MED25: variants seen among roughly 807,000 people sequenced by gnomAD.
The protein encoded by MED25 is mediator of RNA polymerase II transcription subunit 25.
MED25 carries 62 observed loss-of-function variants against 89.4 expected under a neutral mutation model. That is an observed-to-expected ratio of 0.69 (90% confidence interval 0.57 to 0.86). The LOEUF is 0.86. MED25 is among the 40% of genes least tolerant of loss of function. The pLI, the probability that MED25 is intolerant of heterozygous loss-of-function variation, is 0.00. For synonymous variants in MED25, 449 were observed against 427.9 expected (o/e 1.05, Z -0.61); for missense variants, 905 against 1,005.2 (o/e 0.90, Z 1.35).
rs1166792631 is a variant in MED25, at chr19:49,831,322, C to T, written c.1102-11C>T. ...CCCATTCTCATGGCCCTCCTTCCTC[C>T]CCTCTGGCAGGCAGGCACTGTGGCC... On this transcript the variant is annotated splice_polypyrimidine_tract_variant and intron_variant, in intron 9 of 17. Coordinates refer to ENST00000312865, the MANE Select transcript of MED25 (RefSeq NM_030973.4). The surrounding 1 kb of genome is among the most constrained non-coding windows in gnomAD (Gnocchi z 5.0). 1 of 1,609,450 alleles carries T rather than the reference C, an allele frequency of 6.2e-7. No individual in the cohort carries two copies. Among genetic ancestry groups the T allele is most frequent in the East Asian group, 2.2e-5 (1 of 44,812 alleles).
In MED25 at chr19:49,831,011, C is replaced by A; in HGVS notation, c.1101+124C>A. The A allele has an allele frequency of 9.0e-7, 1 of 1,113,824 alleles. No homozygotes were observed. The highest frequency in any genetic ancestry group is 1.3e-6 in the Non-Finnish European group (1 of 743,726). 69.0% of individuals were successfully genotyped at this position (1,113,824 alleles called of 1,614,324 possible). A position where few individuals can be genotyped will look rare whatever the true frequency, so the allele number is the denominator to read the frequency against. On this transcript the variant is annotated intron_variant, in intron 9 of 17. Transcript: ENST00000312865. This position sits in a 1 kb window ranked among gnomAD's most constrained non-coding sequence, Gnocchi z 5.0. ...TCTCGTGGTTCTGGGGCTTTGGGGG[C>A]TCGTGGTGTGTGTGCTGCAGATGCC...
rs750406909 is a variant in MED25 at position 49,830,265 on chromosome 19, G to A, written c.819+47G>A. 3 of 1,589,898 alleles carry A rather than the reference G, an allele frequency of 1.9e-6. No homozygotes were observed. The highest frequency in any genetic ancestry group is 2.6e-6 in the Non-Finnish European group (3 of 1,165,014). ...GACATGCTTCTGGGGACTTGCTGGAGCCCTGGCCCCTGGGGAGAAATCTAG... is the reference window on the plus strand; with the variant it reads ...GACATGCTTCTGGGGACTTGCTGGAACCCTGGCCCCTGGGGAGAAATCTAG... On this transcript the variant is annotated intron_variant, in intron 7 of 17. Transcript: ENST00000312865. This position sits in a 1 kb window ranked among gnomAD's most constrained non-coding sequence, Gnocchi z 4.6.
chr19:49,818,708 C>T, intron 2 of MED25, 92 bp downstream of exon 2: 2 of 1,259,584 alleles, frequency 1.6e-6, no homozygotes, highest in African/African-American at 1.6e-5. Flanking sequence ...GGCCTGGACT[C>T]CTGAGTTTGA....
downstream of MED25, among the ~76,000 whole-genome samples, chr19:49,837,435 CAG>C (rs1233940454): frequency 6.6e-6 from 1 of 152,212 alleles, no homozygotes; most frequent in Non-Finnish European, 1.5e-5. Context: ...TGGGCAGGTG[CAG>C]AGTTTGAGGA....
chr19:49,825,489 G>A (rs769208235), intron 3 of MED25, among the ~76,000 whole-genome samples: 14 of 151,846 alleles, frequency 9.2e-5, no homozygotes, highest in Non-Finnish European at 1.5e-4. Context: ...CAAGTGATCC[G>A]CCCACCTCGG....
chr19:49,825,629 C>T (rs2074010717), intron 3 of MED25, among the ~76,000 whole-genome samples: 1 of 151,362 alleles, frequency 6.6e-6, no homozygotes, highest in South Asian at 2.1e-4. Flanking sequence ...GTCGGGAGTT[C>T]GAGACCAGCC....
intron 3 of MED25, among the ~76,000 whole-genome samples, chr19:49,823,802 G>A (rs755439354): frequency 6.6e-6 from 1 of 152,086 alleles, no homozygotes; most frequent in Non-Finnish European, 1.5e-5. Flanking sequence ...CTCATCCTTG[G>A]CCCTAGTGAC....
chr19:49,832,266 T>C (rs750966885), intron 12 of MED25, 42 bp from the exon 13 acceptor site: 4 of 1,528,600 alleles, frequency 2.6e-6, no homozygotes, highest in Middle Eastern at 3.4e-4. Context: ...CCGCCTCACT[T>C]GCCCACACCA....
In MED25 at chr19:49,835,318, C is replaced by T; in HGVS notation, c.1674+141C>T. 1 of 1,050,250 alleles carries T rather than the reference C, an allele frequency of 9.5e-7. No individual in the cohort carries two copies. The highest frequency in any genetic ancestry group is 2.5e-5 in the East Asian group (1 of 39,622). 65.1% of individuals were successfully genotyped at this position (1,050,250 alleles called of 1,614,324 possible). A position where few individuals can be genotyped will look rare whatever the true frequency, so the allele number is the denominator to read the frequency against. On this transcript the variant is annotated intron_variant, in intron 14 of 17. Coordinates refer to ENST00000312865, the MANE Select transcript of MED25 (RefSeq NM_030973.4). The surrounding 1 kb of genome is among the most constrained non-coding windows in gnomAD (Gnocchi z 6.2). Reference sequence around the variant, plus strand: ...CCAAGCTAAGTCCCACTCAGATTTTCTTGCAGTCTCTCTCCTTTTTCAGCA... The same window carrying T: ...CCAAGCTAAGTCCCACTCAGATTTTTTTGCAGTCTCTCTCCTTTTTCAGCA...
downstream of MED25, among the ~76,000 whole-genome samples, chr19:49,837,897 C>T (rs908196653): frequency 6.6e-6 from 1 of 152,076 alleles, no homozygotes; most frequent in Non-Finnish European, 1.5e-5. Context: ...ATGGGGAAGA[C>T]GGTGGGTCTG....
rs777020200 is a variant in MED25 at position 49,836,886 on chromosome 19, C to T, written c.2186C>T (p.Pro729Leu). 2.1e-5 allele frequency: 34 copies of T among 1,612,580 alleles called. No individual in the cohort carries two copies. In the South Asian group the frequency reaches 3.6e-4, roughly 17 times the overall value. The change falls in exon 18 of 18, where the codon CCC (proline) becomes CTC (leucine). Residue 729 changes from proline to leucine, a missense_variant. Physicochemically the swap from Pro to Leu is moderately conservative, Grantham distance 98. This residue lies in a region of MED25 where 271 missense variants were observed against 258.1 expected (regional missense o/e 1.05). Transcript: ENST00000312865. This position sits in a 1 kb window ranked among gnomAD's most constrained non-coding sequence, Gnocchi z 5.1. ...LLSGGPRGPV[P>L]QPGLQPSVME... The stretch of plus-strand genomic sequence containing the variant: ...AGCGGGGGTCCCCGGGGCCCGGTCC[C>T]CCAGCCGGGCCTGCAGCCCAGCGTC...
rs761558443 is a variant in MED25, at chr19:49,829,742, T to G, written c.526-44T>G. ...AGGTTGGGGGCCGGCCCCAACACCC[T>G]TATGGAGGGGGCCCGTCATGACTGC... is the stretch of plus-strand genomic sequence containing the variant. On this transcript the variant is annotated intron_variant, in intron 5 of 17. Coordinates refer to ENST00000312865, the MANE Select transcript of MED25 (RefSeq NM_030973.4). This position sits in a 1 kb window ranked among gnomAD's most constrained non-coding sequence, Gnocchi z 4.6. 1.5e-5 allele frequency: 24 copies of G among 1,554,896 alleles called. No individual in the cohort carries two copies. The Admixed American group carries it at 4.0e-4, about 26-fold the overall frequency.
Position 49,830,321 on chromosome 19 carries a change from G to A in MED25, c.819+103G>A, listed in dbSNP as rs2074045937. On this transcript the variant is annotated intron_variant, in intron 7 of 17. Coordinates refer to ENST00000312865, the MANE Select transcript of MED25 (RefSeq NM_030973.4). The surrounding 1 kb of genome is among the most constrained non-coding windows in gnomAD (Gnocchi z 4.6). ...TGTTGGAGCTTGTGGGATGATGGGA[G>A]TCCCATGGGACATTGGGAAGGTGGG... is the stretch of plus-strand genomic sequence containing the variant. The A allele has an allele frequency of 1.6e-6, 2 of 1,283,310 alleles. No homozygotes were observed. The highest frequency in any genetic ancestry group is 1.9e-5 in the Admixed American group (1 of 52,010). The allele number at this position is 1,283,310 out of a possible 1,614,324, so 79.5% of individuals were successfully genotyped here.
At chr19:49,838,415 A>G (rs1008415681), downstream of MED25, 4 of 368,088 alleles carry the variant, frequency 1.1e-5, no homozygotes, top group African/African-American at 4.2e-5. Flanking sequence ...GCCCCTCTCC[A>G]TGGGGCGTGT....
chr19:49,830,094 G>A lies in MED25; in HGVS notation c.695G>A (p.Gly232Asp). 1 of 1,606,850 alleles carries A rather than the reference G, an allele frequency of 6.2e-7. No homozygotes were observed. The highest frequency in any genetic ancestry group is 8.5e-7 in the Non-Finnish European group (1 of 1,177,458). The change falls in exon 7 of 18, where the codon GGT becomes GAT. Residue 232 changes from glycine (G) to aspartate (D), a missense_variant. Gly to Asp is a moderately conservative substitution (Grantham distance 94). This residue lies in a region of MED25 where 501 missense variants were observed against 526.9 expected (regional missense o/e 0.95). Transcript: ENST00000312865. The surrounding 1 kb of genome is among the most constrained non-coding windows in gnomAD (Gnocchi z 4.6). ...CCATCCCTCCTGCTCTCAGTTGGGG[G>A]TGGCTCAGCCCCAGGCCCCCTCCAG... is the stretch of plus-strand genomic sequence containing the variant. ...LVRGLVLPVGGGSAPGPLQSK... is the reference protein window; with the variant it reads ...LVRGLVLPVGDGSAPGPLQSK...
In MED25 at chr19:49,829,368, T is replaced by A. The variant is rs1045251852; in HGVS notation, c.525+278T>A. On this transcript the variant is annotated intron_variant, in intron 5 of 17. Coordinates refer to ENST00000312865, the MANE Select transcript of MED25 (RefSeq NM_030973.4). This position sits in a 1 kb window ranked among gnomAD's most constrained non-coding sequence, Gnocchi z 4.6. ...ATCTTGGCCCACTGCAGCCTCTGCC[T>A]CCAGGGTTCAAGCAATTCTCATGTT... Among the ~76,000 whole-genome samples the A allele has an allele frequency of 1.3e-5, 2 of 152,102 alleles. No individual in the cohort carries two copies. The highest frequency in any genetic ancestry group is 2.9e-5 in the Non-Finnish European group (2 of 68,014).
intron 3 of MED25, among the ~76,000 whole-genome samples, chr19:49,826,923 G>A (rs532935533): frequency 1.6e-4 from 24 of 152,216 alleles, no homozygotes; most frequent in Non-Finnish European, 2.6e-4. Flanking sequence ...GGCCGATGCC[G>A]GGCCGAGGGC....
chr19:49,831,004 T>C lies in MED25; in HGVS notation c.1101+117T>C, dbSNP rs1374697370. The C allele has an allele frequency of 1.7e-6, 2 of 1,174,616 alleles. No individual in the cohort carries two copies. Among genetic ancestry groups the C allele is most frequent in the African/African-American group, 1.5e-5 (1 of 66,742 alleles). 72.8% of individuals were successfully genotyped at this position (1,174,616 alleles called of 1,614,324 possible). On this transcript the variant is annotated intron_variant, in intron 9 of 17. Transcript: ENST00000312865. This position sits in a 1 kb window ranked among gnomAD's most constrained non-coding sequence, Gnocchi z 5.0. Reference sequence around the variant, plus strand: ...ATGTGGCTCTCGTGGTTCTGGGGCTTTGGGGGCTCGTGGTGTGTGTGCTGC... The same window carrying C: ...ATGTGGCTCTCGTGGTTCTGGGGCTCTGGGGGCTCGTGGTGTGTGTGCTGC...
At chr19:49,837,090 T>C (rs1237204963), downstream of MED25, 10 of 747,292 alleles carry the variant, frequency 1.3e-5, no homozygotes, top group Non-Finnish European at 2.4e-5. Flanking sequence ...CCTGGGTGAA[T>C]GACGCTGGGG....
Sources: allele counts gnomAD v4.1 joint callset (sites outside exome capture counted in the v4.1 genomes callset), GRCh38; gene constraint gnomAD v4.1.1; regional missense constraint gnomAD v4.1.1; non-coding constraint Gnocchi (gnomAD v3.1); transcripts MANE v1.5; gene names NCBI Gene and HGNC (gene_info 2026-07-23, HGNC 2026-07-21).